UBN2: variants seen among roughly 807,000 people sequenced by gnomAD.
UBN2 encodes the protein ubinuclein 2.
UBN2 carries 35 observed loss-of-function variants against 120.2 expected under a neutral mutation model. That is an observed-to-expected ratio of 0.29 (90% CI 0.22 to 0.39). The LOEUF is 0.39. Among genes scored for constraint, UBN2 ranks in the 10% least tolerant of loss-of-function variants. UBN2 has a pLI of 1.00. For synonymous variants in UBN2, 661 were observed against 648.7 expected, an observed-to-expected ratio of 1.02 and a Z score of -0.29; for missense variants, 1,693 against 1,663.2, an observed-to-expected ratio of 1.02 and a Z score of -0.31.
chr7:139,317,432 G>A, the UBN2 span, among the ~76,000 whole-genome samples: 2 of 149,314 alleles, frequency 1.3e-5, no homozygotes, highest in Non-Finnish European at 3.0e-5. Flanking sequence ...TTTTTTTTTG[G>A]CTCCCAACAA....
At chr7:139,277,153 G>C (rs1411758735) in intron 12 of UBN2, 1 of 152,134 alleles carries the variant, frequency 6.6e-6, no homozygotes, top group Non-Finnish European at 1.5e-5. Flanking sequence ...CTGCTGAGAG[G>C]TCTGTTTAAT....
the UBN2 span, among the ~76,000 whole-genome samples, chr7:139,324,051 C>T: frequency 6.6e-6 from 1 of 152,042 alleles, no homozygotes; most frequent in Non-Finnish European, 1.5e-5. Context: ...AGCAGACTTC[C>T]CCTAGCTCCT....
chr7:139,325,610 C>T, the UBN2 span, among the ~76,000 whole-genome samples: 5 of 152,096 alleles, frequency 3.3e-5, no homozygotes, highest in Non-Finnish European at 5.9e-5. Context: ...GCATCACACT[C>T]GACAGAAGTG....
chr7:139,320,090 G>T, the UBN2 span, among the ~76,000 whole-genome samples: 3 of 146,568 alleles, frequency 2.0e-5, no homozygotes, highest in African/African-American at 7.6e-5. Flanking sequence ...AAAAAAAAGA[G>T]AGAAATTTCA....
the UBN2 span, among the ~76,000 whole-genome samples, chr7:139,330,315 C>T: frequency 2.0e-5 from 3 of 152,164 alleles, no homozygotes; most frequent in Non-Finnish European, 4.4e-5. Context: ...AAATTCATAA[C>T]ATTTATCATA....
At chr7:139,291,876 T>C (rs1008192632) in intron 15 of UBN2, among the ~76,000 whole-genome samples, 10 of 152,150 alleles carry the variant, frequency 6.6e-5, no homozygotes, top group African/African-American at 2.4e-4. Context: ...TAATAAATTT[T>C]TTTTAAATAA....
intron 2 of UBN2, among the ~76,000 whole-genome samples, chr7:139,240,554 A>G (rs1275505709): frequency 2.6e-5 from 4 of 151,592 alleles, no homozygotes; most frequent in African/African-American, 9.7e-5. Flanking sequence ...TTATATGCCT[A>G]GAGCTCTAGG....
intron 11 of UBN2, among the ~76,000 whole-genome samples, chr7:139,275,640 TTTAA>T (rs1390912185): frequency 1.3e-5 from 2 of 152,048 alleles, no homozygotes; most frequent in Non-Finnish European, 2.9e-5. Context: ...AACCCATGAT[TTTAA>T]TTAAATTGCT....
chr7:139,237,378 C>T (rs1013786490), intron 2 of UBN2, among the ~76,000 whole-genome samples: 4 of 152,088 alleles, frequency 2.6e-5, no homozygotes, highest in East Asian at 1.9e-4. Context: ...CTCACTGCAA[C>T]CTCCGCCTCC....
rs370645705 is a variant in UBN2, at chr7:139,253,342, A to G, written c.663+1285A>G. ...GAGGGTGCATTTATATGGGTAGGTT[A>G]AATTTCTAGCAGTGGAATTTATTGG... On this transcript the variant is annotated intron_variant, in intron 3 of 17. Transcript: ENST00000473989. 1.9e-4 allele frequency among the ~76,000 whole-genome samples: 29 copies of G among 152,334 alleles called. No homozygotes were observed. The East Asian group carries it at 3.5e-3, about 18-fold the overall frequency.
chr7:139,252,694 G>T (rs1796653731), intron 3 of UBN2, among the ~76,000 whole-genome samples: 2 of 151,978 alleles, frequency 1.3e-5, no homozygotes, highest in African/African-American at 2.4e-5. Context: ...AATCTCTTGG[G>T]ATTCTCTAGT....
rs533131332 is a variant in UBN2 at position 139,262,671 on chromosome 7, G to A, written c.1395+930G>A. Among the ~76,000 whole-genome samples the A allele has an allele frequency of 2.0e-3, 289 of 146,910 alleles. 1 individual carries two copies. The highest frequency in any genetic ancestry group is 6.8e-3 in the African/African-American group (270 of 39,824). On this transcript the variant is annotated intron_variant, in intron 6 of 17. Coordinates refer to ENST00000473989, the MANE Select transcript of UBN2 (RefSeq NM_173569.4). ...AGAGGTTACAGTGAGCCGAGATTGCGCCACTGCACTCCATCCTGGGTGACA... is the reference window on the plus strand; with the variant it reads ...AGAGGTTACAGTGAGCCGAGATTGCACCACTGCACTCCATCCTGGGTGACA...
At chr7:139,289,087 A>C (rs1202662706) in intron 15 of UBN2, among the ~76,000 whole-genome samples, 2 of 151,844 alleles carry the variant, frequency 1.3e-5, no homozygotes, top group Admixed American at 6.6e-5. Context: ...TAAAATGTAG[A>C]GGTCACGGAA....
chr7:139,313,579 C>T, the UBN2 span, among the ~76,000 whole-genome samples: 2 of 152,092 alleles, frequency 1.3e-5, no homozygotes, highest in Non-Finnish European at 2.9e-5. Flanking sequence ...CGTCTTAGAG[C>T]ATTAGACTGG....
rs1304317992 is a variant in UBN2 at position 139,283,865 on chromosome 7, C to G, written c.2960C>G (p.Pro987Arg). 1 of 1,614,046 alleles carries G rather than the reference C, an allele frequency of 6.2e-7. No individual in the cohort carries two copies. The highest frequency in any genetic ancestry group is 1.3e-5 in the African/African-American group (1 of 74,884). ...PLMYRLPLST[P>R]SPGNGSQGSH... ...ATGTACCGCCTTCCCTTATCTACCC[C>G]CTCACCTGGAAATGGTTCTCAAGGG... Residue 987 changes from proline to arginine, a missense_variant, in exon 15 of 18, where the codon CCC becomes CGC. Coordinates refer to ENST00000473989, the MANE Select transcript of UBN2 (RefSeq NM_173569.4).
rs1241506896 is a variant in UBN2, at chr7:139,272,429, T to A, written c.1704T>A (p.Ala568=). 3 of 1,612,272 alleles carry A rather than the reference T, an allele frequency of 1.9e-6. No individual in the cohort carries two copies. Among genetic ancestry groups the A allele is most frequent in the Non-Finnish European group, 2.5e-6 (3 of 1,179,452 alleles). Residue 568 remains alanine, a synonymous_variant, in exon 9 of 18, where the codon GCT becomes GCA. Coordinates refer to ENST00000473989, the MANE Select transcript of UBN2 (RefSeq NM_173569.4). ...AGGACTGCCAGGCTCGTAGTCAAGCTAAGTGTGCCAAGTATGTATCTCTTC... is the reference window on the plus strand; with the variant it reads ...AGGACTGCCAGGCTCGTAGTCAAGCAAAGTGTGCCAAGTATGTATCTCTTC... ...YQEDCQARSQ[A]KCAKLQTDEE...
intron 13 of UBN2, among the ~76,000 whole-genome samples, chr7:139,281,518 ACATC>A (rs926562794): frequency 6.6e-6 from 1 of 152,008 alleles, no homozygotes; most frequent in Non-Finnish European, 1.5e-5. Context: ...GTCCATCCAT[ACATC>A]CATCCATCTA....
intron 2 of UBN2, among the ~76,000 whole-genome samples, chr7:139,249,931 G>A (rs1412471065): frequency 1.3e-5 from 2 of 152,132 alleles, no homozygotes; most frequent in East Asian, 3.9e-4. Flanking sequence ...AAACTCCTGG[G>A]CTCTCGCAAT....
In UBN2 at chr7:139,301,899, T is replaced by C. The variant is rs1798266632; in HGVS notation, c.*4063T>C. ...TTTTGCTTTTGAGGGGGCTTTTGTG[T>C]TTGTAATAATGAAGCAGAAGAAAAG... On this transcript the variant is annotated 3_prime_UTR_variant, in exon 18 of 18. Transcript: ENST00000473989. The C allele has an allele frequency of 1.3e-5, 2 of 152,176 alleles. No homozygotes were observed. Among genetic ancestry groups the C allele is most frequent in the African/African-American group, 4.8e-5 (2 of 41,436 alleles). The allele number at this position is 152,176 out of a possible 1,614,324, so 9.4% of individuals were successfully genotyped here. A position where few individuals can be genotyped will look rare whatever the true frequency, so the allele number is the denominator to read the frequency against.
Sources: gnomAD v4.1 joint callset for allele counts (sites outside exome capture counted in the v4.1 genomes callset) on GRCh38, gnomAD v4.1.1 for gene constraint, MANE v1.5 for transcripts, NCBI Gene and HGNC (gene_info 2026-07-23, HGNC 2026-07-21) for gene names.